Variants in CCDC40 observed in about 807,000 individuals in gnomAD.
CCDC40 encodes coiled-coil domain-containing protein 40.
CCDC40 carries 104 observed loss-of-function variants against 124.5 expected under a neutral mutation model. The ratio of observed to expected loss-of-function variants is 0.84; its 90% CI spans 0.71 to 0.98. The LOEUF (loss-of-function observed/expected upper bound fraction) is 0.98. CCDC40 is among the 50% of genes least tolerant of loss of function. CCDC40 has a pLI of 0.00. For synonymous variants in CCDC40, 580 were observed against 602.9 expected, an observed-to-expected ratio of 0.96 and a Z score of 0.56; for missense variants, 1,463 against 1,503.9, an observed-to-expected ratio of 0.97 and a Z score of 0.45.
In CCDC40 at chr17:80,099,622, C is replaced by T; in HGVS notation, c.3276C>T (p.Ser1092=). Residue 1092 remains serine (S), a synonymous_variant, in exon 20 of 20, where the codon TCC becomes TCT. Transcript: ENST00000397545. The stretch of plus-strand genomic sequence containing the variant: ...TGTTCCTGTTCCGCTCCAAGCAGTC[C>T]CTAGTGCTGGAGCGCCAGCGCCTGG... ...RYVFLFRSKQ[S]LVLERQRLDK... is the part of the protein sequence containing the mutation. 6.2e-7 allele frequency: 1 copy of T among 1,613,738 alleles called. No individual in the cohort carries two copies. Among genetic ancestry groups the T allele is most frequent in the Non-Finnish European group, 8.5e-7 (1 of 1,180,018 alleles).
In CCDC40 at chr17:80,037,686, A is replaced by ATATATAT. The variant is rs1555889042; in HGVS notation, c.30-437_30-436insTATATAT. On this transcript the variant is annotated intron_variant, in intron 1 of 19. Coordinates refer to ENST00000397545, the MANE Select transcript of CCDC40 (RefSeq NM_017950.4). ...ATAGCTTGAATCTTTAATTTTTTAA[A>ATATATAT]AAAGATATACATATATATATATATA... Among the ~76,000 whole-genome samples the ATATATAT allele has an allele frequency of 1.5e-4, 4 of 26,304 alleles. No homozygotes were observed. In the East Asian group the frequency reaches 5.1e-3, roughly 33 times the overall value. 17.3% of individuals were successfully genotyped at this position (26,304 alleles called of 152,430 possible).
rs572958324 is a variant in CCDC40, at chr17:80,047,181, G to C, written c.553-98G>C. ...AAAAACACACAGGTGACTATATTTTGAGTCTGACAACTTTCACAAATGTAA... is the reference window on the plus strand; with the variant it reads ...AAAAACACACAGGTGACTATATTTTCAGTCTGACAACTTTCACAAATGTAA... On this transcript the variant is annotated intron_variant, in intron 3 of 19. Transcript: ENST00000397545. 1.0e-5 allele frequency: 14 copies of C among 1,335,440 alleles called. No individual in the cohort carries two copies. The African/African-American group carries it at 1.8e-4, about 17-fold the overall frequency. 82.7% of individuals were successfully genotyped at this position (1,335,440 alleles called of 1,614,324 possible). A position where few individuals can be genotyped will look rare whatever the true frequency, so the allele number is the denominator to read the frequency against.
At chr17:80,037,691 ATATACAT>A (rs745475749) in intron 1 of CCDC40, among the ~76,000 whole-genome samples, 32,247 of 75,832 alleles carry the variant, frequency 0.43, 4,847 homozygotes, top group Middle Eastern at 0.53. Context: ...TTTAAAAAAG[ATATACAT>A]ATATATATAT....
At chr17:80,045,425 T>C (rs2037396547) in intron 3 of CCDC40, among the ~76,000 whole-genome samples, 1 of 152,142 alleles carries the variant, frequency 6.6e-6, no homozygotes, top group Non-Finnish European at 1.5e-5. Context: ...AAAGCTAAAA[T>C]GGATGCCGGG....
At chr17:80,065,746 C>T in intron 10 of CCDC40, 140 bp downstream of exon 10, 1 of 1,122,900 alleles carries the variant, frequency 8.9e-7, no homozygotes, top group Non-Finnish European at 1.3e-6. Context: ...GGGCTTCCGT[C>T]CGGAAAGCTC....
chr17:80,065,113 C>A (rs1349209039), intron 9 of CCDC40, among the ~76,000 whole-genome samples: 1 of 74,504 alleles, frequency 1.3e-5, no homozygotes, highest in Non-Finnish European at 2.8e-5. Flanking sequence ...CCCCTCCTCC[C>A]TCTTTCATCT....
intron 7 of CCDC40, among the ~76,000 whole-genome samples, chr17:80,053,312 C>T (rs745569651): frequency 2.0e-5 from 3 of 152,206 alleles, no homozygotes; most frequent in Non-Finnish European, 4.4e-5. Context: ...CAGATGGCCT[C>T]TTGAGGCCGG....
chr17:80,081,992 C>G lies in CCDC40; in HGVS notation c.1923C>G (p.Thr641=), dbSNP rs764826593. Residue 641 remains threonine (T), a synonymous_variant, in exon 12 of 20, where the codon ACC becomes ACG. Coordinates refer to ENST00000397545, the MANE Select transcript of CCDC40 (RefSeq NM_017950.4). ...AIREKLQEHM[T]SNKTTKYFNQ... ...GGGAGAAGCTGCAGGAGCACATGAC[C>G]TCCAACAAGACCACCAAATACTTCA... The G allele has an allele frequency of 1.9e-5, 30 of 1,613,776 alleles. No homozygotes were observed. Among genetic ancestry groups the G allele is most frequent in the Admixed American group, 5.0e-5 (3 of 59,960 alleles).
intron 9 of CCDC40, among the ~76,000 whole-genome samples, chr17:80,060,705 C>A (rs139350945): frequency 6.6e-6 from 1 of 151,950 alleles, no homozygotes; most frequent in African/African-American, 2.4e-5. Context: ...AAAACAAAAC[C>A]GTAAAGTTCT....
At chr17:80,080,326 C>A (rs2038419917) in intron 10 of CCDC40, among the ~76,000 whole-genome samples, 2 of 152,178 alleles carry the variant, frequency 1.3e-5, no homozygotes, top group South Asian at 4.1e-4. Context: ...TGACTTGAAC[C>A]CAGGAGGCAG....
At position 80,087,973 on chromosome 17, in the gene CCDC40, GCCCTCCCCACAGCTGTCCCGCC is replaced by G; in HGVS notation, c.2620-29_2620-8del. ...CAGCCCCGGCATCCACAATCCCATG[GCCCTCCCCACAGCTGTCCCGCC>G]CCCTCCCCCATGCAGGCCTCTGAGA... On this transcript the variant is annotated splice_polypyrimidine_tract_variant and intron_variant, in intron 15 of 19. Coordinates refer to ENST00000397545, the MANE Select transcript of CCDC40 (RefSeq NM_017950.4). This position sits in a 1 kb window ranked among gnomAD's most constrained non-coding sequence, Gnocchi z 4.5. 1 of 1,492,272 alleles carries G rather than the reference GCCCTCCCCACAGCTGTCCCGCC, an allele frequency of 6.7e-7. No homozygotes were observed. Among genetic ancestry groups the G allele is most frequent in the Non-Finnish European group, 9.4e-7 (1 of 1,069,228 alleles). The allele number at this position is 1,492,272 out of a possible 1,614,324, so 92.4% of individuals were successfully genotyped here. A position where few individuals can be genotyped will look rare whatever the true frequency, so the allele number is the denominator to read the frequency against.
chr17:80,090,384 C>CA (rs2038698606), intron 17 of CCDC40: 2 of 1,110,422 alleles, frequency 1.8e-6, no homozygotes, highest in Non-Finnish European at 2.6e-6. Flanking sequence ...ACAGGACACA[C>CA]ACAGCACGTG....
In CCDC40 at chr17:80,048,805, C is replaced by T. The variant is rs555924402; in HGVS notation, c.855+44C>T. 1.7e-4 allele frequency: 266 copies of T among 1,528,720 alleles called. No homozygotes were observed. The East Asian group carries it at 5.3e-3, about 30-fold the overall frequency. 94.7% of individuals were successfully genotyped at this position (1,528,720 alleles called of 1,614,324 possible). ...GTTTTGCTTTTGCCTACATGGATGGCGAATGACTCAGGCCCCTTTCTCTGC... is the reference window on the plus strand; with the variant it reads ...GTTTTGCTTTTGCCTACATGGATGGTGAATGACTCAGGCCCCTTTCTCTGC... On this transcript the variant is annotated intron_variant, in intron 5 of 19. Transcript: ENST00000397545.
chr17:80,069,804 G>A (rs892692091), intron 10 of CCDC40, among the ~76,000 whole-genome samples: 14 of 147,698 alleles, frequency 9.5e-5, no homozygotes, highest in African/African-American at 3.8e-4. Context: ...CAGAGAGAGA[G>A]AGAGAAAAAA....
chr17:80,039,951 A>C lies in CCDC40; in HGVS notation c.233A>C (p.Glu78Ala). ...EVETEGEAAV[E>A]GEEEAVSYGD... ...GAGACAGAAGGGGAAGCAGCAGTGG[A>C]AGGGGAAGAGGAGGCTGTGTCCTAT... The change falls in exon 3 of 20, where the codon GAA becomes GCA. Residue 78 changes from glutamate (E) to alanine (A), a missense_variant. Glu to Ala is a moderately radical substitution (Grantham distance 107). Transcript: ENST00000397545. 1 of 1,613,606 alleles carries C rather than the reference A, an allele frequency of 6.2e-7. No individual in the cohort carries two copies. The highest frequency in any genetic ancestry group is 1.1e-5 in the South Asian group (1 of 91,072).
At chr17:80,073,193 C>T (rs1289297321) in intron 10 of CCDC40, among the ~76,000 whole-genome samples, 2 of 151,984 alleles carry the variant, frequency 1.3e-5, no homozygotes, top group African/African-American at 4.8e-5. Flanking sequence ...TTAGTAGAGA[C>T]GGGGTTTCAC....
chr17:80,054,238 G>A (rs1387526563), intron 7 of CCDC40, among the ~76,000 whole-genome samples: 1 of 152,100 alleles, frequency 6.6e-6, no homozygotes, highest in Non-Finnish European at 1.5e-5. Context: ...TAACAGTGTT[G>A]GGAATGAGGA....
intron 10 of CCDC40, among the ~76,000 whole-genome samples, chr17:80,077,654 A>G (rs139800598): frequency 6.6e-6 from 1 of 152,334 alleles, no homozygotes; most frequent in Non-Finnish European, 1.5e-5. Context: ...TCAGTCATCT[A>G]ATTTTAGCCA....
At chr17:80,073,601 G>A (rs2038243704) in intron 10 of CCDC40, among the ~76,000 whole-genome samples, 1 of 152,140 alleles carries the variant, frequency 6.6e-6, no homozygotes, top group African/African-American at 2.4e-5. Flanking sequence ...CTCTCCTTGG[G>A]CCTCCCTATT....
Sources: allele counts gnomAD v4.1 joint callset (sites outside exome capture counted in the v4.1 genomes callset), GRCh38; gene constraint gnomAD v4.1.1; non-coding constraint Gnocchi (gnomAD v3.1); transcripts MANE v1.5; gene names NCBI Gene and HGNC (gene_info 2026-07-23, HGNC 2026-07-21).